Variants in DOCK2 observed in about 807,000 individuals in gnomAD.
DOCK2 encodes the protein dedicator of cytokinesis protein 2.
DOCK2 carries 87 observed loss-of-function variants against 248.9 expected under a neutral mutation model. That is an observed-to-expected ratio of 0.35 (90% CI 0.29 to 0.42). The LOEUF is 0.42. Ranked by LOEUF, DOCK2 falls within the 10% of genes least tolerant of loss-of-function variation. DOCK2 has a pLI of 1.00. For missense variants in DOCK2, 1,747 were observed against 2,300.2 expected (o/e 0.76, Z 4.92); for synonymous variants, 805 against 821.6 (o/e 0.98, Z 0.35).
intron 27 of DOCK2, among the ~76,000 whole-genome samples, chr5:169,949,449 G>A (rs1311978525): frequency 6.6e-6 from 1 of 152,136 alleles, no homozygotes; most frequent in Non-Finnish European, 1.5e-5. Flanking sequence ...CATTAGCCCA[G>A]TTTGGCTGAA....
chr5:170,027,875 A>G lies in DOCK2; in HGVS notation c.3394A>G (p.Ile1132Val). The change falls in exon 34 of 52, where the codon ATC becomes GTC. Residue 1132 changes from isoleucine to valine, a missense_variant. Ile to Val is a conservative substitution (Grantham distance 29). Coordinates refer to ENST00000520908, the MANE Select transcript of DOCK2 (RefSeq NM_004946.3). ...SGDFKKFENEIILKLDHEVEG... is the reference protein window; with the variant it reads ...SGDFKKFENEVILKLDHEVEG... ...CCTACATCTTCAGTTTGAAAACGAAATCATCCTGAAGCTGGACCACGAGGT... is the reference window on the plus strand; with the variant it reads ...CCTACATCTTCAGTTTGAAAACGAAGTCATCCTGAAGCTGGACCACGAGGT... The G allele has an allele frequency of 6.2e-7, 1 of 1,612,816 alleles. No homozygotes were observed. The highest frequency in any genetic ancestry group is 1.1e-5 in the South Asian group (1 of 90,882).
chr5:169,744,807 A>C (rs1472532311), intron 22 of DOCK2, among the ~76,000 whole-genome samples: 1 of 152,128 alleles, frequency 6.6e-6, no homozygotes, highest in Admixed American at 6.5e-5. Flanking sequence ...TCAGTTATGG[A>C]GGGTAGGATT....
At position 169,995,300 on chromosome 5, in the gene DOCK2, A is replaced by G. The variant is rs560765066; in HGVS notation, c.2994-786A>G. Among the ~76,000 whole-genome samples the G allele has an allele frequency of 5.9e-5, 9 of 152,338 alleles. No homozygotes were observed. In the East Asian group the frequency reaches 1.7e-3, roughly 29 times the overall value. ...CACCTTAGCCTCCCAAAGTGCTGAG[A>G]TTACAGGCGCAAGCCACTGCACCCG... On this transcript the variant is annotated intron_variant, in intron 29 of 51. Coordinates refer to ENST00000520908, the MANE Select transcript of DOCK2 (RefSeq NM_004946.3).
chr5:169,812,740 T>G (rs1767833189), intron 26 of DOCK2, among the ~76,000 whole-genome samples: 1 of 152,258 alleles, frequency 6.6e-6, no homozygotes, highest in African/African-American at 2.4e-5. Context: ...TCCGATTCAC[T>G]CATATGCTCT....
At chr5:169,878,574 A>C (rs1022967594) in intron 27 of DOCK2, among the ~76,000 whole-genome samples, 1 of 152,238 alleles carries the variant, frequency 6.6e-6, no homozygotes, top group Non-Finnish European at 1.5e-5. Context: ...AGCCAGCATT[A>C]GGAAGGTTTT....
At chr5:169,983,276 T>A in intron 28 of DOCK2, 110 bp downstream of exon 28, 1 of 1,141,676 alleles carries the variant, frequency 8.8e-7, no homozygotes, top group Non-Finnish European at 1.3e-6. Context: ...AGATATGACT[T>A]AACCAATATT....
chr5:169,891,982 C>T (rs527864021), intron 27 of DOCK2, among the ~76,000 whole-genome samples: 21 of 134,612 alleles, frequency 1.6e-4, no homozygotes, highest in African/African-American at 5.7e-4. Context: ...GGCAACAGTG[C>T]GAGATTCCGT....
intron 26 of DOCK2, among the ~76,000 whole-genome samples, chr5:169,825,484 G>A (rs1028044157): frequency 6.6e-6 from 1 of 150,842 alleles, no homozygotes; most frequent in Non-Finnish European, 1.5e-5. Context: ...CATGGATGAA[G>A]CTGGAAACCA....
At chr5:169,639,152 G>A (rs2113066766) in intron 1 of DOCK2, among the ~76,000 whole-genome samples, 1 of 152,300 alleles carries the variant, frequency 6.6e-6, no homozygotes, top group East Asian at 1.9e-4. Context: ...AGTTAATTAG[G>A]ATAGGAGTGG....
intron 25 of DOCK2, among the ~76,000 whole-genome samples, chr5:169,777,834 A>G (rs1765470029): frequency 6.6e-6 from 1 of 152,168 alleles, no homozygotes; most frequent in African/African-American, 2.4e-5. Flanking sequence ...TGCTACTATT[A>G]TTTGCAGTCA....
chr5:170,021,095 C>T (rs1307626521), intron 33 of DOCK2, among the ~76,000 whole-genome samples: 2 of 152,212 alleles, frequency 1.3e-5, no homozygotes, highest in African/African-American at 2.4e-5. Context: ...ATTATAGGGA[C>T]TCTAGTGCCA....
intron 27 of DOCK2, chr5:169,876,016 C>T (rs1352929859): frequency 6.6e-6 from 1 of 152,218 alleles, no homozygotes; most frequent in African/African-American, 2.4e-5. Flanking sequence ...CAGAGCTGTG[C>T]TCTTTCTGGA....
rs934367869 is a variant in DOCK2 at position 169,802,995 on chromosome 5, T to C, written c.2555-63T>C. The C allele has an allele frequency of 2.2e-5, 35 of 1,571,734 alleles. No individual in the cohort carries two copies. The African/African-American group carries it at 4.4e-4, about 20-fold the overall frequency. ...TATTTAATGAAACATTGTATGCATA[T>C]ATGAAAGAAAAGAAACTAAAAAATG... On this transcript the variant is annotated intron_variant, in intron 25 of 51. Transcript: ENST00000520908.
intron 26 of DOCK2, among the ~76,000 whole-genome samples, chr5:169,831,182 T>A (rs1769204947): frequency 6.7e-6 from 1 of 149,320 alleles, no homozygotes; most frequent in South Asian, 2.1e-4. Context: ...CCATGCATTT[T>A]TTCCAGACTT....
chr5:170,078,982 C>G lies in DOCK2; in HGVS notation c.5002C>G (p.Leu1668Val), dbSNP rs377100198. 4.3e-6 allele frequency: 7 copies of G among 1,614,002 alleles called. No homozygotes were observed. Among genetic ancestry groups the G allele is most frequent in the Admixed American group, 1.7e-5 (1 of 60,036 alleles). ...GCCCCTCTGGCCTTTCAGCTTTGACCTGGAATTAGCATCACCCAAGACGCC... is the reference window on the plus strand; with the variant it reads ...GCCCCTCTGGCCTTTCAGCTTTGACGTGGAATTAGCATCACCCAAGACGCC... ...PSKPTSESFD[L>V]ELASPKTPRV... Residue 1668 changes from leucine (L) to valine (V), a missense_variant, in exon 49 of 52, where the codon CTG becomes GTG. By Grantham distance (32) the Leu-to-Val change is conservative. Transcript: ENST00000520908.
Position 170,044,946 on chromosome 5 carries a change from G to A in DOCK2, c.3877-870G>A, listed in dbSNP as rs117600759. 3.8e-4 allele frequency among the ~76,000 whole-genome samples: 58 copies of A among 152,194 alleles called. No individual in the cohort carries two copies. The East Asian group carries it at 0.01, about 27-fold the overall frequency. Reference sequence around the variant, plus strand: ...TGCATCTCCCCTGACTCTGCAGACCGTCCTGACCTCCTTCGGTCTAAGAGA... The same window carrying A: ...TGCATCTCCCCTGACTCTGCAGACCATCCTGACCTCCTTCGGTCTAAGAGA... On this transcript the variant is annotated intron_variant, in intron 38 of 51. Coordinates refer to ENST00000520908, the MANE Select transcript of DOCK2 (RefSeq NM_004946.3).
At chr5:170,047,365 T>C (rs1212919119) in intron 39 of DOCK2, 145 bp from the exon 40 acceptor site, 5 of 636,426 alleles carry the variant, frequency 7.9e-6, no homozygotes, top group Non-Finnish European at 1.4e-5. Context: ...ACTATTGTGA[T>C]TATAGACATA....
At chr5:169,804,439 T>C (rs1221749945) in intron 26 of DOCK2, among the ~76,000 whole-genome samples, 1 of 19,902 alleles carries the variant, frequency 5.0e-5, no homozygotes, top group East Asian at 1.5e-3. Context: ...AGCTACAAAG[T>C]GTGTGTGTGT....
chr5:169,753,063 A>AAAAAT (rs148933958), intron 23 of DOCK2, among the ~76,000 whole-genome samples: 47,655 of 151,538 alleles, frequency 0.31, 10,649 homozygotes, highest in African/African-American at 0.62. Context: ...GACTCTATCT[A>AAAAAT]AAAATAAAAT....
Sources: allele counts gnomAD v4.1 joint callset (sites outside exome capture counted in the v4.1 genomes callset), GRCh38; gene constraint gnomAD v4.1.1; transcripts MANE v1.5; gene names NCBI Gene and HGNC (gene_info 2026-07-23, HGNC 2026-07-21).